The following SLIT3 variants were observed in gnomAD, a reference collection of about 807,000 sequenced individuals.
SLIT3 encodes slit homolog 3 protein.
Under a neutral mutation model 184.0 loss-of-function variants are expected in SLIT3, and 68 were observed. The ratio of observed to expected loss-of-function variants is 0.37; its 90% CI spans 0.30 to 0.45. SLIT3 has a LOEUF of 0.45. SLIT3 is among the 20% of genes least tolerant of loss of function. The pLI, the probability that SLIT3 is intolerant of heterozygous loss-of-function variation, is 1.00. For synonymous variants in SLIT3, 831 were observed against 828.6 expected (o/e 1.00, Z -0.05); for missense variants, 1,707 against 2,026.0 (o/e 0.84, Z 3.02).
intron 4 of SLIT3, among the ~76,000 whole-genome samples, chr5:168,894,449 T>C (rs1760586308): frequency 6.6e-6 from 1 of 152,220 alleles, no homozygotes; most frequent in Non-Finnish European, 1.5e-5. Context: ...GGGAATCTTT[T>C]TTTCCCCCAA....
intron 1 of SLIT3, among the ~76,000 whole-genome samples, chr5:169,287,941 G>C (rs1030339197): frequency 2.6e-5 from 4 of 152,174 alleles, no homozygotes; most frequent in Admixed American, 1.3e-4. Flanking sequence ...TCCCAGAGCA[G>C]GGTCTTCCCC....
chr5:168,677,413 G>T (rs993716273), intron 32 of SLIT3, among the ~76,000 whole-genome samples: 1 of 151,688 alleles, frequency 6.6e-6, no homozygotes, highest in African/African-American at 2.4e-5. Context: ...AAGTGCTGGG[G>T]TTACAGGTCA....
chr5:168,907,843 T>C (rs1761103662), intron 4 of SLIT3, among the ~76,000 whole-genome samples: 1 of 149,392 alleles, frequency 6.7e-6, no homozygotes, highest in Non-Finnish European at 1.5e-5. Context: ...CATACACATA[T>C]AAGTATACAT....
chr5:168,772,197 A>G (rs1017056130), intron 14 of SLIT3: 1 of 152,332 alleles, frequency 6.6e-6, no homozygotes, highest in African/African-American at 2.4e-5. Flanking sequence ...CTTCCCAAGC[A>G]CGACTCTTTA....
At position 168,793,805 on chromosome 5, in the gene SLIT3, G is replaced by A. The variant is rs894403105; in HGVS notation, c.1007+1702C>T. Among the ~76,000 whole-genome samples the A allele has an allele frequency of 1.4e-4, 21 of 152,120 alleles. 1 individual carries two copies. Among genetic ancestry groups the A allele is most frequent in the Non-Finnish European group, 7.4e-5 (5 of 68,004 alleles). On this transcript the variant is annotated intron_variant, in intron 10 of 35. Coordinates refer to ENST00000519560, the MANE Select transcript of SLIT3 (RefSeq NM_003062.4). ...GCTGAGCTTTAAAAATGAATTGGGG[G>A]GGGGGATGCATGGAGAGCGGGCTGG...
chr5:169,162,372 T>C (rs1762508421), intron 4 of SLIT3, among the ~76,000 whole-genome samples: 1 of 152,218 alleles, frequency 6.6e-6, no homozygotes. Flanking sequence ...ATCGCCATGT[T>C]GCCCTTACAG....
At chr5:168,905,726 C>T (rs183281145) in intron 4 of SLIT3, among the ~76,000 whole-genome samples, 14 of 152,328 alleles carry the variant, frequency 9.2e-5, no homozygotes, top group African/African-American at 3.4e-4. Flanking sequence ...CCTCCAGAAA[C>T]TCGTATACCC....
At chr5:168,700,274 C>T (rs1561881552) in intron 27 of SLIT3, among the ~76,000 whole-genome samples, 1 of 152,172 alleles carries the variant, frequency 6.6e-6, no homozygotes, top group African/African-American at 2.4e-5. Flanking sequence ...AAGGGTGGGG[C>T]CAGGTGGAGA....
At position 168,666,283 on chromosome 5, in the gene SLIT3, T is replaced by C. The variant is rs1761038681; in HGVS notation, c.*171A>G. The C allele has an allele frequency of 3.6e-6, 2 of 560,374 alleles. No homozygotes were observed. Among genetic ancestry groups the C allele is most frequent in the East Asian group, 3.0e-5 (1 of 32,992 alleles). The allele number at this position is 560,374 out of a possible 1,614,324, so 34.7% of individuals were successfully genotyped here. A position where few individuals can be genotyped will look rare whatever the true frequency, so the allele number is the denominator to read the frequency against. On this transcript the variant is annotated 3_prime_UTR_variant, in exon 36 of 36. Coordinates refer to ENST00000519560, the MANE Select transcript of SLIT3 (RefSeq NM_003062.4). ...AGATGAAAATAGTCACTTTCCATAA[T>C]AAAAATAAGTTCTATTTTTTGTTTA... is the stretch of plus-strand genomic sequence containing the variant.
At chr5:169,287,766 C>G (rs570589591) in intron 1 of SLIT3, among the ~76,000 whole-genome samples, 1 of 152,122 alleles carries the variant, frequency 6.6e-6, no homozygotes, top group Non-Finnish European at 1.5e-5. Context: ...GTGGTGGACG[C>G]GTTTCTCAGG....
At chr5:168,932,789 C>A (rs1324649153) in intron 4 of SLIT3, among the ~76,000 whole-genome samples, 1 of 152,212 alleles carries the variant, frequency 6.6e-6, no homozygotes, top group Non-Finnish European at 1.5e-5. Context: ...CACATCTAAA[C>A]CACACTGTGC....
chr5:168,718,091 C>A (rs1762804361), intron 23 of SLIT3: 1 of 151,784 alleles, frequency 6.6e-6, no homozygotes, highest in African/African-American at 2.4e-5. Flanking sequence ...CAACCCTGGA[C>A]CATGGTTGGG....
chr5:168,801,036 A>G (rs1384919615), intron 9 of SLIT3, among the ~76,000 whole-genome samples: 1 of 152,168 alleles, frequency 6.6e-6, no homozygotes, highest in Non-Finnish European at 1.5e-5. Flanking sequence ...TGGGGAACTG[A>G]ATGAGGCATG....
chr5:168,861,353 C>T (rs1292610629), intron 5 of SLIT3, among the ~76,000 whole-genome samples: 1 of 151,822 alleles, frequency 6.6e-6, no homozygotes, highest in Non-Finnish European at 1.5e-5. Flanking sequence ...AAGTCTATGA[C>T]TCTTGGTAGA....
At position 169,074,675 on chromosome 5, in the gene SLIT3, C is replaced by A. The variant is rs151127218; in HGVS notation, c.413+118804G>T. The stretch of plus-strand genomic sequence containing the variant: ...TAAGTATGGATTTCAAAATTAAAGT[C>A]AGCATACCAGGGACTCATAACTCTG... On this transcript the variant is annotated intron_variant, in intron 4 of 35. Transcript: ENST00000519560. Among the ~76,000 whole-genome samples, 13 of 152,302 alleles carry A rather than the reference C, an allele frequency of 8.5e-5. No homozygotes were observed. In the East Asian group the frequency reaches 2.3e-3, roughly 27 times the overall value.
intron 4 of SLIT3, among the ~76,000 whole-genome samples, chr5:169,148,378 G>T (rs1762001259): frequency 6.6e-6 from 1 of 152,162 alleles, no homozygotes; most frequent in African/African-American, 2.4e-5. Flanking sequence ...GAATGATGAT[G>T]ACAAAACGTC....
chr5:168,997,813 T>A (rs1057017380), intron 4 of SLIT3, among the ~76,000 whole-genome samples: 1 of 152,174 alleles, frequency 6.6e-6, no homozygotes, highest in Non-Finnish European at 1.5e-5. Context: ...AACATCAGGT[T>A]CAAAGGAGTG....
At chr5:168,921,055 T>C (rs1397120164) in intron 4 of SLIT3, among the ~76,000 whole-genome samples, 1 of 152,176 alleles carries the variant, frequency 6.6e-6, no homozygotes, top group African/African-American at 2.4e-5. Context: ...GTTTAAGTTG[T>C]GGGTCTCGGA....
chr5:168,919,126 G>A (rs1033315788), intron 4 of SLIT3, among the ~76,000 whole-genome samples: 1 of 152,022 alleles, frequency 6.6e-6, no homozygotes, highest in Non-Finnish European at 1.5e-5. Flanking sequence ...CAAGCGTGGT[G>A]GCGGGTGCCT....
Sources: allele counts gnomAD v4.1 joint callset (sites outside exome capture counted in the v4.1 genomes callset), GRCh38; gene constraint gnomAD v4.1.1; transcripts MANE v1.5; gene names NCBI Gene and HGNC (gene_info 2026-07-23, HGNC 2026-07-21).